The following SLC4A4 variants were observed in gnomAD, a reference collection of about 807,000 sequenced individuals.
SLC4A4 encodes solute carrier family 4 member 4.
A neutral mutation model predicts 111.5 loss-of-function variants in SLC4A4; 27 were observed. The observed-to-expected ratio is 0.24, with a 90% CI of 0.18 to 0.33. The LOEUF (loss-of-function observed/expected upper bound fraction) is 0.33, where lower values mean the gene tolerates loss of function less well. SLC4A4 is among the 10% of genes least tolerant of loss of function. The probability of loss-of-function intolerance (pLI) is 1.00; values close to 1 mark genes in which losing one functional copy is unlikely to be tolerated. For missense variants in SLC4A4, 909 were observed against 1,315.5 expected (o/e 0.69, Z 4.78); for synonymous variants, 443 against 463.4 (o/e 0.96, Z 0.57).
intron 2 of SLC4A4, among the ~76,000 whole-genome samples, chr4:71,114,404 C>G (rs1186342129): frequency 6.7e-6 from 1 of 150,354 alleles, no homozygotes; most frequent in African/African-American, 2.5e-5. Context: ...AGGCAACCTA[C>G]AAAATGGGAG....
intron 3 of SLC4A4, among the ~76,000 whole-genome samples, chr4:71,282,703 C>T (rs1046546784): frequency 6.6e-6 from 1 of 151,942 alleles, no homozygotes; most frequent in African/African-American, 2.4e-5. Flanking sequence ...CCATCTCAGC[C>T]TCCTGAGTAG....
chr4:71,556,534 C>A (rs1008267280), intron 21 of SLC4A4, among the ~76,000 whole-genome samples: 8 of 151,884 alleles, frequency 5.3e-5, no homozygotes. Context: ...AAGAAAAAAT[C>A]AACCACATAA....
chr4:71,290,240 G>A (rs567152810), intron 3 of SLC4A4, among the ~76,000 whole-genome samples: 2 of 152,296 alleles, frequency 1.3e-5, no homozygotes, highest in East Asian at 3.9e-4. Context: ...GTTCAGTAAT[G>A]CATGTGGAGT....
At chr4:71,201,280 C>T (rs1420633313) in intron 1 of SLC4A4, among the ~76,000 whole-genome samples, 1 of 152,166 alleles carries the variant, frequency 6.6e-6, no homozygotes, top group African/African-American at 2.4e-5. Flanking sequence ...TTTAGAGTTG[C>T]CCCCAGATAA....
At chr4:71,338,206 T>C (rs1164966533) in intron 3 of SLC4A4, among the ~76,000 whole-genome samples, 3 of 152,174 alleles carry the variant, frequency 2.0e-5, no homozygotes, top group Non-Finnish European at 4.4e-5. Context: ...AGGTTGAATA[T>C]TTTTCATGGG....
chr4:71,345,252 A>G (rs1264661922), intron 4 of SLC4A4, among the ~76,000 whole-genome samples: 2 of 152,142 alleles, frequency 1.3e-5, no homozygotes, highest in African/African-American at 2.4e-5. Context: ...CAAACTGGTA[A>G]AAGAATAATT....
chr4:71,280,208 A>G (rs1723402214), intron 3 of SLC4A4, among the ~76,000 whole-genome samples: 1 of 152,208 alleles, frequency 6.6e-6, no homozygotes, highest in South Asian at 2.1e-4. Flanking sequence ...GGTTATTTGT[A>G]TGTCTTCTTT....
intron 8 of SLC4A4, among the ~76,000 whole-genome samples, chr4:71,446,348 A>T (rs1233797900): frequency 2.6e-5 from 4 of 152,140 alleles, no homozygotes; most frequent in African/African-American, 9.7e-5. Flanking sequence ...GTACCATAAA[A>T]ATCTTACCTA....
intron 20 of SLC4A4, among the ~76,000 whole-genome samples, chr4:71,551,019 C>T (rs911535200): frequency 1.3e-5 from 2 of 151,818 alleles, no homozygotes; most frequent in African/African-American, 4.8e-5. Flanking sequence ...ATAACTGGCG[C>T]CCCTGGCTGG....
chr4:71,315,590 A>G (rs1726617036), intron 3 of SLC4A4, among the ~76,000 whole-genome samples: 1 of 152,146 alleles, frequency 6.6e-6, no homozygotes, highest in African/African-American at 2.4e-5. Flanking sequence ...GGTTGAGTAC[A>G]GTATAAATAT....
chr4:71,283,112 A>G (rs1005561226), intron 3 of SLC4A4, among the ~76,000 whole-genome samples: 6 of 152,162 alleles, frequency 3.9e-5, no homozygotes, highest in African/African-American at 1.4e-4. Context: ...ATCTTTTATG[A>G]TCACCCAAAA....
At chr4:71,333,964 G>A (rs997052377) in intron 3 of SLC4A4, among the ~76,000 whole-genome samples, 1 of 152,068 alleles carries the variant, frequency 6.6e-6, no homozygotes, top group Non-Finnish European at 1.5e-5. Flanking sequence ...AAGAGCGAAG[G>A]CCTGGAATTG....
chr4:71,476,847 C>T (rs1481813555), intron 14 of SLC4A4, among the ~76,000 whole-genome samples: 1 of 151,540 alleles, frequency 6.6e-6, no homozygotes, highest in Non-Finnish European at 1.5e-5. Context: ...TGGATACATG[C>T]CATACATGGG....
intron 16 of SLC4A4, among the ~76,000 whole-genome samples, chr4:71,516,759 T>C (rs1467498191): frequency 6.6e-6 from 1 of 152,260 alleles, no homozygotes; most frequent in Non-Finnish European, 1.5e-5. Flanking sequence ...CCTCAGGTGT[T>C]TTCTGTGAGT....
intron 1 of SLC4A4, among the ~76,000 whole-genome samples, chr4:71,221,459 T>A (rs1718740710): frequency 6.6e-6 from 1 of 152,230 alleles, no homozygotes; most frequent in Admixed American, 6.5e-5. Flanking sequence ...CAAAGTGCAG[T>A]CAGTGTAACC....
intron 3 of SLC4A4, among the ~76,000 whole-genome samples, chr4:71,307,228 G>A (rs1390674597): frequency 6.6e-6 from 1 of 152,110 alleles, no homozygotes; most frequent in Non-Finnish European, 1.5e-5. Context: ...CTTCCATCTA[G>A]GGTTTACCAA....
intron 1 of SLC4A4, among the ~76,000 whole-genome samples, chr4:71,196,605 A>G (rs183377938): frequency 2.1e-4 from 32 of 152,094 alleles, no homozygotes; most frequent in Non-Finnish European, 4.3e-4. Flanking sequence ...TTGTCTACAC[A>G]GTATACTTTC....
At chr4:71,450,039 ACT>A (rs1725612390) in intron 9 of SLC4A4, among the ~76,000 whole-genome samples, 1 of 152,052 alleles carries the variant, frequency 6.6e-6, no homozygotes, top group South Asian at 2.1e-4. Flanking sequence ...TCAGGGAATG[ACT>A]CTTCAGTATA....
At chr4:71,466,659 A>G in intron 13 of SLC4A4, 82 bp downstream of exon 13, 2 of 1,388,342 alleles carry the variant, frequency 1.4e-6, no homozygotes, top group Non-Finnish European at 2.0e-6. Context: ...TAGAATAGTG[A>G]TTAGGCAGAT....
Sources: gnomAD v4.1 joint callset for allele counts (sites outside exome capture counted in the v4.1 genomes callset) on GRCh38, gnomAD v4.1.1 for gene constraint, MANE v1.5 for transcripts, NCBI Gene and HGNC (gene_info 2026-07-23, HGNC 2026-07-21) for gene names.